LRRC37B: variants seen among roughly 807,000 people sequenced by gnomAD.
LRRC37B encodes leucine rich repeat containing 37B, also known as leucine-rich repeat-containing protein 37B.
Under a neutral mutation model 98.3 loss-of-function variants are expected in LRRC37B, and 28 were observed. The observed-to-expected ratio is 0.28, with a 90% CI of 0.21 to 0.39. The LOEUF (loss-of-function observed/expected upper bound fraction) is 0.39. Ranked by LOEUF, LRRC37B falls within the 10% of genes least tolerant of loss-of-function variation. LRRC37B has a pLI of 1.00. For missense variants in LRRC37B, 938 were observed against 1,182.7 expected (o/e 0.79, Z 3.03); for synonymous variants, 364 against 442.7 (o/e 0.82, Z 2.23).
intron 7 of LRRC37B, among the ~76,000 whole-genome samples, chr17:32,044,991 C>G (rs1361306421): frequency 5.3e-5 from 8 of 152,326 alleles, no homozygotes; most frequent in Non-Finnish European, 7.3e-5. Flanking sequence ...TGTCTTTTCA[C>G]CCAACTCCAT....
intron 7 of LRRC37B, chr17:32,040,872 G>A (rs1281037069): frequency 1.2e-6 from 1 of 851,374 alleles, no homozygotes; most frequent in African/African-American, 1.7e-5. Context: ...GTGTGAGAAA[G>A]ACCTGAAGGG....
intron 7 of LRRC37B, among the ~76,000 whole-genome samples, chr17:32,036,976 ATTT>A (rs71360793): frequency 2.0e-3 from 101 of 51,670 alleles, no homozygotes; most frequent in African/African-American, 6.8e-3. Flanking sequence ...CATCTTCAGC[ATTT>A]TTTTTTTTTT....
chr17:32,022,294 C>A, exon 1 of LRRC37B: 1 of 1,613,980 alleles, frequency 6.2e-7, no homozygotes. Context: ...TCTTCTACAG[C>A]CCTGAGGACT....
At chr17:32,033,142 C>T (rs905421547) in intron 5 of LRRC37B, among the ~76,000 whole-genome samples, 6 of 152,110 alleles carry the variant, frequency 3.9e-5, no homozygotes, top group African/African-American at 1.2e-4. Flanking sequence ...CAAGCCTGGG[C>T]GACAGAGCAA....
chr17:32,040,765 T>C lies in LRRC37B; in HGVS notation c.2205-4935T>C. 3 of 834,554 alleles carry C rather than the reference T, an allele frequency of 3.6e-6. No individual in the cohort carries two copies. In the South Asian group the frequency reaches 4.0e-5, roughly 11 times the overall value. 51.7% of individuals were successfully genotyped at this position (834,554 alleles called of 1,614,324 possible). A position where few individuals can be genotyped will look rare whatever the true frequency, so the allele number is the denominator to read the frequency against. On this transcript the variant is annotated intron_variant, in intron 7 of 11. Coordinates refer to ENST00000327564, the Ensembl canonical transcript of LRRC37B. ...AACGAGTCCAACTTCAGTGACGCACTGCTGGATGCCGGCGAGTCCATGAAG... is the reference window on the plus strand; with the variant it reads ...AACGAGTCCAACTTCAGTGACGCACCGCTGGATGCCGGCGAGTCCATGAAG...
intron 8 of LRRC37B, 70 bp from the exon 12 acceptor site, chr17:32,047,691 A>G: frequency 6.2e-7 from 1 of 1,608,712 alleles, no homozygotes; most frequent in East Asian, 2.2e-5. Context: ...TGGGGCATAT[A>G]GCTATGGACT....
At chr17:32,031,491 G>A (rs10752705) in intron 5 of LRRC37B, 33 bp downstream of exon 8, 499,243 of 762,516 alleles carry the variant, frequency 0.65, 225,850 homozygotes, top group East Asian at 1. Flanking sequence ...ACGTGTAAAC[G>A]ACTATTTTGT....
intron 7 of LRRC37B, among the ~76,000 whole-genome samples, chr17:32,038,654 C>T (rs1911319299): frequency 6.6e-6 from 1 of 152,102 alleles, no homozygotes; most frequent in South Asian, 2.1e-4. Context: ...GTCAGGAGTT[C>T]GAGACCATCC....
intron 9 of LRRC37B, 85 bp from the exon 13 acceptor site, chr17:32,049,017 G>A: frequency 1.4e-5 from 23 of 1,606,576 alleles, no homozygotes; most frequent in Non-Finnish European, 2.0e-5. Context: ...TAAACAAACT[G>A]AGACAAAATG....
upstream of LRRC37B, chr17:32,018,029 G>T: frequency 9.1e-6 from 2 of 219,690 alleles, no homozygotes; most frequent in South Asian, 1.6e-4. Flanking sequence ...GATGTCAGAT[G>T]GGAAGAACTA....
intron 7 of LRRC37B, among the ~76,000 whole-genome samples, chr17:32,037,233 G>A (rs1274895494): frequency 1.3e-5 from 2 of 151,826 alleles, no homozygotes; most frequent in African/African-American, 4.8e-5. Context: ...CACACCCCCT[G>A]GCCTCCCAAA....
intron 1 of LRRC37B, among the ~76,000 whole-genome samples, chr17:32,014,707 T>C (rs1910613052): frequency 6.6e-6 from 1 of 151,854 alleles, no homozygotes; most frequent in African/African-American, 2.4e-5. Context: ...TAGATATAGA[T>C]AGATAGATAG....
intron 7 of LRRC37B, among the ~76,000 whole-genome samples, chr17:32,044,037 A>G (rs1294953348): frequency 6.6e-6 from 1 of 151,366 alleles, no homozygotes; most frequent in Non-Finnish European, 1.5e-5. Context: ...AGATTAAGCA[A>G]TTTGCCCAAA....
At chr17:32,050,900 A>T (rs900045854) in intron 11 of LRRC37B, 1 of 152,110 alleles carries the variant, frequency 6.6e-6, no homozygotes, top group African/African-American at 2.4e-5. Flanking sequence ...TATGTGATGT[A>T]TTACTTTTCC....
At chr17:32,019,874 G>A (rs569789533), upstream of LRRC37B, among the ~76,000 whole-genome samples, 5 of 152,114 alleles carry the variant, frequency 3.3e-5, no homozygotes, top group South Asian at 4.2e-4. Flanking sequence ...TTTTTGAGAC[G>A]GAGTTTCTCT....
exon 7 of LRRC37B, chr17:32,035,568 C>T (rs771949557): frequency 1.2e-6 from 2 of 1,611,618 alleles, no homozygotes; most frequent in Non-Finnish European, 1.7e-6. Flanking sequence ...TCTTCAGAGA[C>T]ATGGGAACAA....
At chr17:32,022,255 C>T in exon 1 of LRRC37B, 1 of 1,613,960 alleles carries the variant, frequency 6.2e-7, no homozygotes. Flanking sequence ...CAGGAGGCCC[C>T]AATTCAGCCT....
At chr17:32,026,865 T>A (rs1477589723) in intron 2 of LRRC37B, among the ~76,000 whole-genome samples, 1 of 152,198 alleles carries the variant, frequency 6.6e-6, no homozygotes, top group East Asian at 1.9e-4. Context: ...TTTGTAACAA[T>A]GTTTACATGG....
chr17:32,047,442 C>T (rs980860390), intron 8 of LRRC37B: 2 of 393,100 alleles, frequency 5.1e-6, no homozygotes, highest in Non-Finnish European at 9.7e-6. Flanking sequence ...TTCATCAGCT[C>T]ATCAGGGAAG....
Sources: allele counts gnomAD v4.1 joint callset (sites outside exome capture counted in the v4.1 genomes callset), GRCh38; gene constraint gnomAD v4.1.1; transcripts MANE v1.5; gene names NCBI Gene and HGNC (gene_info 2026-07-23, HGNC 2026-07-21).